Variants in GABRG3 observed in about 807,000 individuals in gnomAD.
The protein encoded by GABRG3 is gamma-aminobutyric acid receptor subunit gamma-3.
GABRG3 carries 25 observed loss-of-function variants against 48.8 expected under a neutral mutation model. The observed-to-expected ratio is 0.51, with a 90% CI of 0.37 to 0.72. The LOEUF is 0.72. GABRG3 is among the 30% of genes least tolerant of loss of function. GABRG3 has a pLI of 0.00. For synonymous variants in GABRG3, 227 were observed against 217.6 expected (o/e 1.04, Z -0.38); for missense variants, 394 against 577.9 (o/e 0.68, Z 3.26).
In GABRG3 at chr15:26,986,564, C is replaced by T. The variant is rs549246237; in HGVS notation, c.202+9414C>T. Among the ~76,000 whole-genome samples, 5 of 152,224 alleles carry T rather than the reference C, an allele frequency of 3.3e-5. No individual in the cohort carries two copies. In the South Asian group the frequency reaches 8.3e-4, roughly 25 times the overall value. On this transcript the variant is annotated intron_variant, in intron 2 of 9. Transcript: ENST00000615808. ...TGCCACCCCTATCGAGGTAAAGCTC[C>T]GTGTGAGACAGTGCTGTGTTGGAGC...
intron 3 of GABRG3, among the ~76,000 whole-genome samples, chr15:27,123,579 A>G (rs977297143): frequency 6.6e-6 from 1 of 152,222 alleles, no homozygotes; most frequent in African/African-American, 2.4e-5. Context: ...TTAATCAGCC[A>G]TAGCAGCACA....
At chr15:27,077,803 C>T (rs1896933319) in intron 3 of GABRG3, among the ~76,000 whole-genome samples, 1 of 152,164 alleles carries the variant, frequency 6.6e-6, no homozygotes, top group African/African-American at 2.4e-5. Context: ...TTGTCCTAAA[C>T]AGTATTTAAG....
intron 3 of GABRG3, among the ~76,000 whole-genome samples, chr15:27,072,122 A>G (rs1195526351): frequency 6.6e-6 from 1 of 152,218 alleles, no homozygotes; most frequent in Non-Finnish European, 1.5e-5. Context: ...ATGCTTTCGT[A>G]ATGACAGCTT....
At chr15:27,360,446 AAACAC>A (rs1243753132) in intron 5 of GABRG3, among the ~76,000 whole-genome samples, 2 of 152,210 alleles carry the variant, frequency 1.3e-5, no homozygotes. Flanking sequence ...GGGCCACCAG[AAACAC>A]ACTTCTCTGA....
intron 5 of GABRG3, among the ~76,000 whole-genome samples, chr15:27,416,213 C>T (rs1175614016): frequency 2.0e-5 from 3 of 152,174 alleles, no homozygotes; most frequent in Non-Finnish European, 4.4e-5. Flanking sequence ...AGAGAAACTG[C>T]TTTAAAATGG....
At chr15:27,208,559 G>T in intron 3 of GABRG3, 1 of 184,558 alleles carries the variant, frequency 5.4e-6, no homozygotes, top group South Asian at 1.1e-4. Flanking sequence ...GGGCTGGCTT[G>T]GGAGGCTGTA....
intron 3 of GABRG3, among the ~76,000 whole-genome samples, chr15:27,144,321 C>G (rs1170279415): frequency 6.6e-6 from 1 of 152,144 alleles, no homozygotes; most frequent in Non-Finnish European, 1.5e-5. Flanking sequence ...AATCAGCAGC[C>G]TGGTAGCCCC....
chr15:27,001,413 G>T (rs1430528399), intron 2 of GABRG3, among the ~76,000 whole-genome samples: 1 of 152,170 alleles, frequency 6.6e-6, no homozygotes, highest in Non-Finnish European at 1.5e-5. Context: ...AGACACATTA[G>T]GTGTGTCCAA....
intron 3 of GABRG3, among the ~76,000 whole-genome samples, chr15:27,112,340 C>T (rs1897566374): frequency 6.6e-6 from 1 of 152,082 alleles, no homozygotes; most frequent in Admixed American, 6.6e-5. Context: ...GTAACAACAT[C>T]CTAGCTCTCA....
chr15:27,032,604 A>T (rs1896104793), intron 3 of GABRG3, among the ~76,000 whole-genome samples: 2 of 152,138 alleles, frequency 1.3e-5, no homozygotes, highest in Admixed American at 1.3e-4. Context: ...GCCTCTTTTA[A>T]ACAACCAGAT....
At chr15:27,053,488 G>A (rs1210072088) in intron 3 of GABRG3, among the ~76,000 whole-genome samples, 3 of 152,206 alleles carry the variant, frequency 2.0e-5, no homozygotes, top group Non-Finnish European at 4.4e-5. Flanking sequence ...AAAGCCAGCA[G>A]GGTTGGAGAG....
chr15:27,093,158 G>A (rs1897218986), intron 3 of GABRG3, among the ~76,000 whole-genome samples: 1 of 152,044 alleles, frequency 6.6e-6, no homozygotes, highest in Non-Finnish European at 1.5e-5. Flanking sequence ...AGCTAGTGAG[G>A]AAGGGAGTGT....
intron 6 of GABRG3, among the ~76,000 whole-genome samples, chr15:27,487,191 C>G (rs1386330824): frequency 6.6e-6 from 1 of 152,176 alleles, no homozygotes; most frequent in Admixed American, 6.5e-5. Context: ...TCTTCTTGGT[C>G]TAATGAACTG....
At chr15:27,281,298 G>T (rs1325130041) in intron 3 of GABRG3, among the ~76,000 whole-genome samples, 1 of 152,042 alleles carries the variant, frequency 6.6e-6, no homozygotes, top group East Asian at 1.9e-4. Flanking sequence ...AGCTATGTAT[G>T]TGCTAAGCCT....
chr15:27,137,673 C>G (rs1265837568), intron 3 of GABRG3, among the ~76,000 whole-genome samples: 1 of 134,924 alleles, frequency 7.4e-6, no homozygotes, highest in Non-Finnish European at 1.7e-5. Flanking sequence ...CCTAACTTAT[C>G]TCTGTTTTCA....
intron 3 of GABRG3, among the ~76,000 whole-genome samples, chr15:27,082,739 C>T (rs1471439420): frequency 3.9e-5 from 6 of 152,150 alleles, no homozygotes. Flanking sequence ...TGCCAGGAAC[C>T]ACAGATGCCT....
chr15:27,309,499 T>C (rs1892924493), intron 3 of GABRG3, among the ~76,000 whole-genome samples: 1 of 151,874 alleles, frequency 6.6e-6, no homozygotes, highest in African/African-American at 2.4e-5. Context: ...AACAAAAAAC[T>C]TGGTAAAAGG....
intron 3 of GABRG3, among the ~76,000 whole-genome samples, chr15:27,095,784 AG>A (rs1374033519): frequency 6.6e-6 from 1 of 152,054 alleles, no homozygotes; most frequent in African/African-American, 2.4e-5. Flanking sequence ...TGGTCCGGGA[AG>A]CACGTGCCTT....
At chr15:27,431,572 G>T (rs1172364644) in intron 5 of GABRG3, among the ~76,000 whole-genome samples, 1 of 152,178 alleles carries the variant, frequency 6.6e-6, no homozygotes, top group Non-Finnish European at 1.5e-5. Context: ...GAATAAAAGT[G>T]TTGAGAGCAG....
Sources: gnomAD v4.1 joint callset for allele counts (sites outside exome capture counted in the v4.1 genomes callset) on GRCh38, gnomAD v4.1.1 for gene constraint, MANE v1.5 for transcripts, NCBI Gene and HGNC (gene_info 2026-07-23, HGNC 2026-07-21) for gene names.